Variants in TCHHL1 observed in about 807,000 individuals in gnomAD.
TCHHL1 encodes the protein trichohyalin-like protein 1.
TCHHL1 carries 1 observed loss-of-function variant against 3.5 expected under a neutral mutation model. The ratio of observed to expected loss-of-function variants is 0.29; its 90% CI spans 0.10 to 1.36. The LOEUF (loss-of-function observed/expected upper bound fraction) is 1.36, where lower values mean the gene tolerates loss of function less well. TCHHL1 is among the 40% of genes most tolerant of loss of function. The probability of loss-of-function intolerance (pLI) is 0.43; values close to 1 mark genes in which losing one functional copy is unlikely to be tolerated. For missense variants in TCHHL1, 1,027 were observed against 1,032.8 expected (o/e 0.99, Z 0.08); for synonymous variants, 405 against 375.3 (o/e 1.08, Z -0.92).
intron 1 of TCHHL1, among the ~76,000 whole-genome samples, 183 bp from the exon 2 acceptor site, chr1:152,088,346 A>T (rs1344649579): frequency 6.6e-6 from 1 of 152,234 alleles, no homozygotes; most frequent in Non-Finnish European, 1.5e-5. Flanking sequence ...TGGTGAAATC[A>T]GACCCAGCAT....
Position 152,086,255 on chromosome 1 carries a change from G to C in TCHHL1, c.1427C>G (p.Thr476Arg). ...TTTGCTGTTCACAAATGCTTCTGCTGTGCCTTCTTTGGTGTGTTCTGCCTC... is the reference window on the plus strand; with the variant it reads ...TTTGCTGTTCACAAATGCTTCTGCTCTGCCTTCTTTGGTGTGTTCTGCCTC... ...GEEAEHTKEG[T>R]AEAFVNSKNA... Residue 476 changes from threonine (T) to arginine (R), a missense_variant, in exon 3 of 3, where the codon ACA (threonine) becomes AGA (arginine). Coordinates refer to ENST00000368806, the MANE Select transcript of TCHHL1 (RefSeq NM_001008536.2). The C allele has an allele frequency of 6.2e-7, 1 of 1,614,212 alleles. No individual in the cohort carries two copies. Among genetic ancestry groups the C allele is most frequent in the Non-Finnish European group, 8.5e-7 (1 of 1,180,044 alleles).
At chr1:152,088,831 TA>T (rs1301483481) in intron 1 of TCHHL1, among the ~76,000 whole-genome samples, 188 bp downstream of exon 1, 1 of 152,166 alleles carries the variant, frequency 6.6e-6, no homozygotes, top group Non-Finnish European at 1.5e-5. Flanking sequence ...ATGTTTTTTT[TA>T]AAAAGAAAAT....
In TCHHL1 at chr1:152,084,911, G is replaced by C. The variant is rs1657688975; in HGVS notation, c.*56C>G. 1 of 1,515,418 alleles carries C rather than the reference G, an allele frequency of 6.6e-7. No individual in the cohort carries two copies. The highest frequency in any genetic ancestry group is 9.0e-7 in the Non-Finnish European group (1 of 1,110,988). 93.9% of individuals were successfully genotyped at this position (1,515,418 alleles called of 1,614,324 possible). On this transcript the variant is annotated 3_prime_UTR_variant, in exon 3 of 3. Coordinates refer to ENST00000368806, the MANE Select transcript of TCHHL1 (RefSeq NM_001008536.2). Reference sequence around the variant, plus strand: ...TTAATCTGCATCTGAATGTGTACACGTGAGTATTGAGGGTGATTGGGAGAG... The same window carrying C: ...TTAATCTGCATCTGAATGTGTACACCTGAGTATTGAGGGTGATTGGGAGAG...
chr1:152,087,627 C>T (rs1456653756), intron 2 of TCHHL1, 84 bp from the exon 3 acceptor site: 2 of 1,363,062 alleles, frequency 1.5e-6, no homozygotes, highest in African/African-American at 1.5e-5. Context: ...ATTTTTCTGA[C>T]CTCATTCCTC....
chr1:152,087,631 A>C, intron 2 of TCHHL1, 88 bp from the exon 3 acceptor site: 1 of 1,338,954 alleles, frequency 7.5e-7, no homozygotes, highest in Non-Finnish European at 1.0e-6. Context: ...TTCTGACCTC[A>C]TTCCTCAGTA....
Position 152,087,314 on chromosome 1 carries a change from A to G in TCHHL1, c.368T>C (p.Val123Ala). The G allele has an allele frequency of 1.2e-6, 2 of 1,613,024 alleles. No homozygotes were observed. Among genetic ancestry groups the G allele is most frequent in the Non-Finnish European group, 1.7e-6 (2 of 1,179,738 alleles). Reference sequence around the variant, plus strand: ...CTTTTCTTGAGTTGGTGAAGTTCCCACTGTCCACTGACCATCTCCGGTGGT... The same window carrying G: ...CTTTTCTTGAGTTGGTGAAGTTCCCGCTGTCCACTGACCATCTCCGGTGGT... ...QATTGDGQWT[V>A]GTSPTQEKRM... Residue 123 changes from valine (V) to alanine (A), a missense_variant, in exon 3 of 3, where the codon GTG (valine) becomes GCG (alanine). Physicochemically the swap from Val to Ala is moderately conservative, Grantham distance 64. This residue lies in a region of TCHHL1 where 338 missense variants were observed against 335.9 expected (regional missense o/e 1.01). Transcript: ENST00000368806.
At position 152,085,081 on chromosome 1, in the gene TCHHL1, C is replaced by G; in HGVS notation, c.2601G>C (p.Glu867Asp). 6.2e-7 allele frequency: 1 copy of G among 1,614,082 alleles called. No homozygotes were observed. ...GTGTTTCCTGTGCACCAGCAGGACT[C>G]TCATCAAGTGGAAGTCCCCTGGTAT... ...QPYTRGLPLD[E>D]SPAGAQETPA... The change falls in exon 3 of 3, where the codon GAG becomes GAC. Residue 867 changes from glutamate (E) to aspartate (D), a missense_variant. Glu to Asp is a conservative substitution (Grantham distance 45). This residue lies in a region of TCHHL1 where 673 missense variants were observed against 658.6 expected (regional missense o/e 1.02). Transcript: ENST00000368806.
intron 2 of TCHHL1, 52 bp from the exon 3 acceptor site, chr1:152,087,595 C>T (rs1657758362): frequency 1.3e-6 from 2 of 1,497,688 alleles, no homozygotes; most frequent in African/African-American, 2.8e-5. Flanking sequence ...GTCCAGTGTC[C>T]TAAGTGTCTC....
chr1:152,087,013 C>T lies in TCHHL1; in HGVS notation c.669G>A (p.Glu223=). The T allele has an allele frequency of 6.2e-7, 1 of 1,614,148 alleles. No homozygotes were observed. The highest frequency in any genetic ancestry group is 8.5e-7 in the Non-Finnish European group (1 of 1,180,044). The change falls in exon 3 of 3, where the codon GAG becomes GAA. Residue 223 remains glutamate, a synonymous_variant. Coordinates refer to ENST00000368806, the MANE Select transcript of TCHHL1 (RefSeq NM_001008536.2). ...AGSKKTSSPT[E]RKGQDKEISQ... ...AGATCTCCTTATCTTGTCCCTTCCT[C>T]TCTGTGGGACTGCTGGTCTTTTTTG...
In TCHHL1 at chr1:152,086,197, T is replaced by G. The variant is rs777797164; in HGVS notation, c.1485A>C (p.Ala495=). The G allele has an allele frequency of 6.2e-7, 1 of 1,614,234 alleles. No individual in the cohort carries two copies. Among genetic ancestry groups the G allele is most frequent in the East Asian group, 2.2e-5 (1 of 44,890 alleles). ...NAPAAERTLG[A]RERTQDLAPL... ...GTGCTAAATCTTGTGTTCTTTCTCT[T>G]GCCCCCAGTGTCCTTTCTGCTGCAG... Residue 495 remains alanine (A), a synonymous_variant, in exon 3 of 3, where the codon GCA becomes GCC. Coordinates refer to ENST00000368806, the MANE Select transcript of TCHHL1 (RefSeq NM_001008536.2).
chr1:152,086,355 C>T lies in TCHHL1; in HGVS notation c.1327G>A (p.Glu443Lys), dbSNP rs1342896445. ...SKSKDAEKGSETQYLSSEGGD... is the reference protein window; with the variant it reads ...SKSKDAEKGSKTQYLSSEGGD... ...CCTTCTGAGCTTAGATATTGTGTCT[C>T]AGAACCTTTTTCAGCATCTTTTGAT... Residue 443 changes from glutamate to lysine, a missense_variant, in exon 3 of 3, where the codon GAG becomes AAG. Glu to Lys is a moderately conservative substitution (Grantham distance 56). Coordinates refer to ENST00000368806, the MANE Select transcript of TCHHL1 (RefSeq NM_001008536.2). The T allele has an allele frequency of 6.2e-7, 1 of 1,614,212 alleles. No individual in the cohort carries two copies. The highest frequency in any genetic ancestry group is 2.2e-5 in the East Asian group (1 of 44,884).
rs551358126 is a variant in TCHHL1 at position 152,087,045 on chromosome 1, C to G, written c.637G>C (p.Ala213Pro). ...GGACTGCTGGTCTTTTTTGATCCTG[C>G]CATTGGCTTATTTGTCTTAAGTTGG... ...EGQLKTNKPMAGSKKTSSPTE... is the reference protein window; with the variant it reads ...EGQLKTNKPMPGSKKTSSPTE... The change falls in exon 3 of 3, where the codon GCA becomes CCA. Residue 213 changes from alanine to proline, a missense_variant. This residue lies in a region of TCHHL1 where 338 missense variants were observed against 335.9 expected (regional missense o/e 1.01). Transcript: ENST00000368806. 2 of 1,614,056 alleles carry G rather than the reference C, an allele frequency of 1.2e-6. No homozygotes were observed. Among genetic ancestry groups the G allele is most frequent in the South Asian group, 2.2e-5 (2 of 91,052 alleles).
In TCHHL1 at chr1:152,085,316, CA is replaced by C; in HGVS notation, c.2365del (p.Cys789ValfsTer27). 1.2e-6 allele frequency: 2 copies of C among 1,614,216 alleles called. No individual in the cohort carries two copies. Among genetic ancestry groups the C allele is most frequent in the Non-Finnish European group, 1.7e-6 (2 of 1,180,044 alleles). The part of the protein sequence containing the change: ...EKQMQRDQEP[C>X]SVERGAVYSS... The stretch of plus-strand genomic sequence containing the variant: ...ATAGACTGCACCCCTCTCCACAGAA[CA>C]GGGCTCTTGGTCTCTCTGCATCTGC... On this transcript the variant is annotated frameshift_variant, in exon 3 of 3. Transcript: ENST00000368806. LOFTEE classifies it low-confidence loss of function (END_TRUNC).
intron 2 of TCHHL1, 102 bp downstream of exon 2, chr1:152,087,904 A>C (rs540976980): frequency 4.9e-4 from 680 of 1,382,028 alleles, no homozygotes; most frequent in Non-Finnish European, 5.3e-4. Flanking sequence ...GAGAACTGTT[A>C]GCTAGGTGTA....
chr1:152,087,734 C>T (rs1005028127), intron 2 of TCHHL1, among the ~76,000 whole-genome samples, 191 bp from the exon 3 acceptor site: 1 of 152,142 alleles, frequency 6.6e-6, no homozygotes, highest in East Asian at 1.9e-4. Context: ...ATTTACAACA[C>T]TTGTGAGTTG....
In TCHHL1 at chr1:152,086,876, G is replaced by A. The variant is rs752196953; in HGVS notation, c.806C>T (p.Thr269Ile). Residue 269 changes from threonine to isoleucine, a missense_variant, in exon 3 of 3, where the codon ACA (threonine) becomes ATA (isoleucine). By Grantham distance (89) the Thr-to-Ile change is moderately conservative (BLOSUM62 -1). Coordinates refer to ENST00000368806, the MANE Select transcript of TCHHL1 (RefSeq NM_001008536.2). ...ATQSSPPKEA[T>I]QRPCEDQEVR... ...TTCCTGATCTTCACATGGTCTTTGT[G>A]TTGCTTCTTTTGGTGGTGAACTTTG... The A allele has an allele frequency of 1.6e-5, 26 of 1,613,990 alleles. No individual in the cohort carries two copies. The highest frequency in any genetic ancestry group is 2.2e-5 in the Non-Finnish European group (26 of 1,180,020).
chr1:152,086,992 C>A lies in TCHHL1; in HGVS notation c.690G>T (p.Glu230Asp). Residue 230 changes from glutamate (E) to aspartate (D), a missense_variant, in exon 3 of 3, where the codon GAG becomes GAT. Glu to Asp is a conservative substitution (Grantham distance 45, BLOSUM62 2). Transcript: ENST00000368806. ...SPTERKGQDKEISQEGDEPAR... is the reference protein window; with the variant it reads ...SPTERKGQDKDISQEGDEPAR... ...CTGGTTCATCTCCTTCCTGGGAGATCTCCTTATCTTGTCCCTTCCTCTCTG... is the reference window on the plus strand; with the variant it reads ...CTGGTTCATCTCCTTCCTGGGAGATATCCTTATCTTGTCCCTTCCTCTCTG... 1 of 1,614,064 alleles carries A rather than the reference C, an allele frequency of 6.2e-7. No individual in the cohort carries two copies. Among genetic ancestry groups the A allele is most frequent in the Non-Finnish European group, 8.5e-7 (1 of 1,179,998 alleles).
Position 152,086,140 on chromosome 1 carries a change from A to G in TCHHL1, c.1542T>C (p.Thr514=). The part of the protein sequence containing the change: ...PLEKQSVGEN[T]RVTKTHDQPV... ...GTTGGTCATGAGTCTTGGTGACCCT[A>G]GTATTTTCTCCTACAGACTGCTTCT... The change falls in exon 3 of 3, where the codon ACT becomes ACC. Residue 514 remains threonine (T), a synonymous_variant. Coordinates refer to ENST00000368806, the MANE Select transcript of TCHHL1 (RefSeq NM_001008536.2). 6.2e-7 allele frequency: 1 copy of G among 1,614,184 alleles called. No homozygotes were observed. Among genetic ancestry groups the G allele is most frequent in the Non-Finnish European group, 8.5e-7 (1 of 1,180,026 alleles).
rs1454955109 is a variant in TCHHL1 at position 152,087,173 on chromosome 1, C to G, written c.509G>C (p.Gly170Ala). 6.2e-7 allele frequency: 1 copy of G among 1,614,070 alleles called. No homozygotes were observed. The highest frequency in any genetic ancestry group is 1.3e-5 in the African/African-American group (1 of 74,918). ...AGGATCATTGTGTTCAGATGCTTCTCCTGGAAAGTTGTGAGTCTTGGCTTC... is the reference window on the plus strand; with the variant it reads ...AGGATCATTGTGTTCAGATGCTTCTGCTGGAAAGTTGTGAGTCTTGGCTTC... Reference protein sequence around the residue: ...WREAKTHNFPGEASEHNDPKN... With the variant: ...WREAKTHNFPAEASEHNDPKN... Residue 170 changes from glycine to alanine, a missense_variant, in exon 3 of 3, where the codon GGA becomes GCA. Gly to Ala is a moderately conservative substitution (Grantham distance 60, BLOSUM62 0). Around this residue, in one of 3 missense-constraint regions of TCHHL1, gnomAD observed 338 missense variants for 335.9 expected, o/e 1.01. Transcript: ENST00000368806.
Sources: allele counts gnomAD v4.1 joint callset (sites outside exome capture counted in the v4.1 genomes callset), GRCh38; gene constraint gnomAD v4.1.1; regional missense constraint gnomAD v4.1.1; transcripts MANE v1.5; gene names NCBI Gene and HGNC (gene_info 2026-07-23, HGNC 2026-07-21).